The following ADAMTS10 variants were observed in gnomAD, a reference collection of about 807,000 sequenced individuals.
ADAMTS10 encodes the protein ADAM metallopeptidase with thrombospondin type 1 motif 10, also known as A disintegrin and metalloproteinase with thrombospondin motifs 10.
Under a neutral mutation model 135.9 loss-of-function variants are expected in ADAMTS10, and 48 were observed. That is an observed-to-expected ratio of 0.35 (90% CI 0.28 to 0.45). ADAMTS10 has a LOEUF of 0.45. ADAMTS10 is among the 20% of genes least tolerant of loss of function. ADAMTS10 has a pLI of 1.00. For synonymous variants in ADAMTS10, 621 were observed against 647.5 expected (o/e 0.96, Z 0.62); for missense variants, 1,131 against 1,565.2 (o/e 0.72, Z 4.68).
At chr19:8,595,698 T>TCCCAGCCCC in intron 12 of ADAMTS10, 64 bp downstream of exon 12, 1 of 1,291,948 alleles carries the variant, frequency 7.7e-7, no homozygotes, top group Non-Finnish European at 1.1e-6. Flanking sequence ...CTGGTGGAGT[T>TCCCAGCCCC]CCCTCCCCCA....
rs987567465 is a variant in ADAMTS10, at chr19:8,596,315, G to A, written c.1182C>T (p.Ile394=). 6.8e-6 allele frequency: 11 copies of A among 1,612,756 alleles called. No homozygotes were observed. The highest frequency in any genetic ancestry group is 1.3e-5 in the African/African-American group (1 of 75,060). Residue 394 remains isoleucine (I), a synonymous_variant, in exon 10 of 26, where the codon ATC becomes ATT. Coordinates refer to ENST00000597188, the MANE Select transcript of ADAMTS10 (RefSeq NM_030957.4). This position sits in a 1 kb window ranked among gnomAD's most constrained non-coding sequence, Gnocchi z 7.2. The part of the protein sequence containing the change: ...LATAFTIAHE[I]GHTFGMNHDG... ...GTGTGCCCTGGCCTCACGTGTGCCC[G>A]ATCTCGTGGGCAATGGTGAACGCTG...
chr19:8,582,610 C>T (rs1600090271), intron 25 of ADAMTS10: 1 of 152,072 alleles, frequency 6.6e-6, no homozygotes, highest in Non-Finnish European at 1.5e-5. Context: ...ATATGAGCTT[C>T]CATCTAGCGG....
chr19:8,582,049 AAACAAACACG>A (rs2042360121), intron 25 of ADAMTS10, among the ~76,000 whole-genome samples: 1 of 151,412 alleles, frequency 6.6e-6, no homozygotes, highest in Non-Finnish European at 1.5e-5. Context: ...ACAAACAAAC[AAACAAACACG>A]ACCCAATAAA....
Position 8,596,887 on chromosome 19 carries a change from C to T in ADAMTS10, c.1040+100G>A. ...CATGGGCAGCCCAAACTTCTCTGCT[C>T]CTCCTGACCCTAGCAGAAGTGATCT... On this transcript the variant is annotated intron_variant, in intron 8 of 25. Coordinates refer to ENST00000597188, the MANE Select transcript of ADAMTS10 (RefSeq NM_030957.4). The surrounding 1 kb of genome is among the most constrained non-coding windows in gnomAD (Gnocchi z 7.2). 1 of 1,575,560 alleles carries T rather than the reference C, an allele frequency of 6.3e-7. No individual in the cohort carries two copies. The highest frequency in any genetic ancestry group is 8.6e-7 in the Non-Finnish European group (1 of 1,161,542).
In ADAMTS10 at chr19:8,592,771, C is replaced by T. The variant is rs782652291; in HGVS notation, c.1579G>A (p.Asp527Asn). ...EGTLCQTHTI[D>N]KGWCYKRVCV... ...CCCTGGCCGGCGCTCACCCCCTTGT[C>T]GATGGTGTGCGTCTGGCACAGCGTG... The change falls in exon 13 of 26, where the codon GAC becomes AAC. Residue 527 changes from aspartate to asparagine, a missense_variant. This residue lies in a region of ADAMTS10 where 745 missense variants were observed against 1,056.3 expected (regional missense o/e 0.71). Transcript: ENST00000597188. 5.6e-6 allele frequency: 9 copies of T among 1,611,760 alleles called. No individual in the cohort carries two copies. The highest frequency in any genetic ancestry group is 7.6e-6 in the Non-Finnish European group (9 of 1,179,784).
At chr19:8,588,388 C>T (rs2042468781) in intron 18 of ADAMTS10, among the ~76,000 whole-genome samples, 1 of 151,988 alleles carries the variant, frequency 6.6e-6, no homozygotes, top group African/African-American at 2.4e-5. Context: ...GCCTGTCTCA[C>T]TTTTGATGCC....
At chr19:8,603,947 G>T in intron 4 of ADAMTS10, 63 bp from the exon 5 acceptor site, 2 of 1,501,734 alleles carry the variant, frequency 1.3e-6, no homozygotes. Context: ...AGGACCCCTG[G>T]GACCTTCTCT....
chr19:8,603,844 T>C lies in ADAMTS10; in HGVS notation c.476A>G (p.Glu159Gly). 1 of 1,614,004 alleles carries C rather than the reference T, an allele frequency of 6.2e-7. No homozygotes were observed. The stretch of plus-strand genomic sequence containing the variant: ...ACCCTTGGGCCCACCGTGCAGGGGC[T>C]CAATCAGGTACTCTTCCTCGTCTGC... ...IVADEEEYLIEPLHGGPKGSR... is the reference protein window; with the variant it reads ...IVADEEEYLIGPLHGGPKGSR... Residue 159 changes from glutamate (E) to glycine (G), a missense_variant, in exon 5 of 26, where the codon GAG becomes GGG. Physicochemically the swap from Glu to Gly is moderately conservative, Grantham distance 98. Coordinates refer to ENST00000597188, the MANE Select transcript of ADAMTS10 (RefSeq NM_030957.4).
chr19:8,580,765 A>G lies in ADAMTS10; in HGVS notation c.*128T>C. ...CCAGGGCCCTGCAGGGGTTCCCAAT[A>G]AATAACTTCCGGCTCCGTCTCACCC... On this transcript the variant is annotated 3_prime_UTR_variant, in exon 26 of 26. Coordinates refer to ENST00000597188, the MANE Select transcript of ADAMTS10 (RefSeq NM_030957.4). The G allele has an allele frequency of 2.7e-6, 2 of 734,784 alleles. No homozygotes were observed. Among genetic ancestry groups the G allele is most frequent in the East Asian group, 2.7e-5 (1 of 36,646 alleles). 45.5% of individuals were successfully genotyped at this position (734,784 alleles called of 1,614,324 possible). A position where few individuals can be genotyped will look rare whatever the true frequency, so the allele number is the denominator to read the frequency against.
chr19:8,609,396 C>T (rs1002647127), intron 1 of ADAMTS10, among the ~76,000 whole-genome samples: 63 of 152,002 alleles, frequency 4.1e-4, no homozygotes, highest in African/African-American at 1.4e-3. Flanking sequence ...GGCTCTGTCC[C>T]ATCCCATCCC....
In ADAMTS10 at chr19:8,589,809, T is replaced by C. The variant is rs886775943; in HGVS notation, c.1900+80A>G. 2.6e-5 allele frequency: 39 copies of C among 1,480,330 alleles called. No individual in the cohort carries two copies. In the African/African-American group the frequency reaches 4.8e-4, roughly 18 times the overall value. The allele number at this position is 1,480,330 out of a possible 1,614,324, so 91.7% of individuals were successfully genotyped here. A position where few individuals can be genotyped will look rare whatever the true frequency, so the allele number is the denominator to read the frequency against. On this transcript the variant is annotated intron_variant, in intron 16 of 25. Coordinates refer to ENST00000597188, the MANE Select transcript of ADAMTS10 (RefSeq NM_030957.4). Reference sequence around the variant, plus strand: ...ACAGGGCTCAGGGCAGACCCCGGGATGCTGCATTCATCCACCTGCTGCTGG... The same window carrying C: ...ACAGGGCTCAGGGCAGACCCCGGGACGCTGCATTCATCCACCTGCTGCTGG...
At chr19:8,584,748 G>A (rs1295808375) in intron 25 of ADAMTS10, 147 bp downstream of exon 25, 2 of 1,176,210 alleles carry the variant, frequency 1.7e-6, no homozygotes, top group African/African-American at 1.5e-5. Flanking sequence ...TTGCAGGGAG[G>A]GGATGGTGAA....
At chr19:8,600,609 C>T (rs1034684665) in intron 6 of ADAMTS10, among the ~76,000 whole-genome samples, 2 of 151,548 alleles carry the variant, frequency 1.3e-5, no homozygotes, top group Non-Finnish European at 2.9e-5. Context: ...CGCCATTCTC[C>T]TGCCTCGGCC....
intron 13 of ADAMTS10, chr19:8,592,326 G>T: frequency 4.6e-6 from 4 of 870,460 alleles, no homozygotes. Flanking sequence ...GTGCTTAACG[G>T]GGAGGGGTGT....
chr19:8,597,354 A>G (rs782237786), intron 6 of ADAMTS10, 37 bp from the exon 7 acceptor site: 34 of 1,586,320 alleles, frequency 2.1e-5, no homozygotes, highest in Non-Finnish European at 2.8e-5. Flanking sequence ...GAGTCTTAAG[A>G]GGAGCCCAGG....
chr19:8,591,442 G>GTTT (rs375476762), intron 15 of ADAMTS10, among the ~76,000 whole-genome samples: 4 of 130,384 alleles, frequency 3.1e-5, no homozygotes, highest in African/African-American at 8.7e-5. Context: ...TAGCGTTTTT[G>GTTT]TTTTTTTTTT....
chr19:8,584,983 C>A lies in ADAMTS10; in HGVS notation c.3114G>T (p.Ser1038=), dbSNP rs1555736450. ...VRCTSHTGQA[S]HECTEALRPP... ...GCCGCAGGGCCTCCGTGCACTCGTG[C>A]GACGCCTGGCCCGTGTGGCTGGTGC... Residue 1038 remains serine (S), a synonymous_variant, in exon 25 of 26, where the codon TCG becomes TCT. Coordinates refer to ENST00000597188, the MANE Select transcript of ADAMTS10 (RefSeq NM_030957.4). 7.1e-6 allele frequency: 11 copies of A among 1,544,842 alleles called. No homozygotes were observed. Among genetic ancestry groups the A allele is most frequent in the South Asian group, 2.4e-5 (2 of 83,916 alleles).
chr19:8,593,818 C>G (rs962792982), intron 12 of ADAMTS10, among the ~76,000 whole-genome samples: 1 of 152,206 alleles, frequency 6.6e-6, no homozygotes, highest in South Asian at 2.1e-4. Context: ...AGTAGGTGGT[C>G]CTTCTGTAAT....
chr19:8,592,934 G>C, intron 12 of ADAMTS10, 64 bp from the exon 13 acceptor site: 3 of 1,464,124 alleles, frequency 2.0e-6, no homozygotes, highest in African/African-American at 2.8e-5. Context: ...AGCCCGCCCG[G>C]CTTGGGAGGA....
Sources: gnomAD v4.1 joint callset for allele counts (sites outside exome capture counted in the v4.1 genomes callset) on GRCh38, gnomAD v4.1.1 for gene constraint, gnomAD v4.1.1 regional missense constraint, Gnocchi (gnomAD v3.1) non-coding constraint, MANE v1.5 for transcripts, NCBI Gene and HGNC (gene_info 2026-07-23, HGNC 2026-07-21) for gene names.